The following METTL16 variants were observed in gnomAD, a reference collection of about 807,000 sequenced individuals.
METTL16 encodes methyltransferase 16, RNA N6-adenosine.
METTL16 carries 19 observed loss-of-function variants against 57.9 expected under a neutral mutation model. The observed-to-expected ratio is 0.33, with a 90% CI of 0.23 to 0.48. The LOEUF is 0.48. Among genes scored for constraint, METTL16 ranks in the 20% least tolerant of loss-of-function variants. METTL16 has a pLI of 0.99. For missense variants in METTL16, 434 were observed against 691.5 expected, an observed-to-expected ratio of 0.63 and a Z score of 4.18; for synonymous variants, 246 against 255.6, an observed-to-expected ratio of 0.96 and a Z score of 0.36.
At chr17:2,439,250 C>T (rs1250091277) in intron 7 of METTL16, among the ~76,000 whole-genome samples, 1 of 152,122 alleles carries the variant, frequency 6.6e-6, no homozygotes, top group African/African-American at 2.4e-5. Flanking sequence ...GTGGGGACTA[C>T]AAGCACGCGC....
intron 2 of METTL16, among the ~76,000 whole-genome samples, chr17:2,484,248 G>T (rs1171348576): frequency 1.3e-5 from 2 of 152,162 alleles, no homozygotes; most frequent in African/African-American, 4.8e-5. Context: ...ATAAGGAATA[G>T]CTATTGGTAC....
At chr17:2,497,925 T>G (rs2067458303) in intron 2 of METTL16, among the ~76,000 whole-genome samples, 1 of 151,786 alleles carries the variant, frequency 6.6e-6, no homozygotes, top group African/African-American at 2.4e-5. Context: ...CCCGGCGCGG[T>G]GGCTCACGCC....
Position 2,459,236 on chromosome 17 carries a change from C to G in METTL16, c.728+4972G>C, listed in dbSNP as rs538558314. Among the ~76,000 whole-genome samples, 17 of 152,350 alleles carry G rather than the reference C, an allele frequency of 1.1e-4. No individual in the cohort carries two copies. In the East Asian group the frequency reaches 2.3e-3, roughly 21 times the overall value. On this transcript the variant is annotated intron_variant, in intron 6 of 9. Transcript: ENST00000263092. Reference sequence around the variant, plus strand: ...AAAGGCTCTTCACAGAGTCCAACTGCAGCTTAGAGCTGCAGAGGCTGCAAG... The same window carrying G: ...AAAGGCTCTTCACAGAGTCCAACTGGAGCTTAGAGCTGCAGAGGCTGCAAG...
intron 2 of METTL16, among the ~76,000 whole-genome samples, chr17:2,496,806 TA>T (rs2067449310): frequency 6.6e-6 from 1 of 151,218 alleles, no homozygotes; most frequent in African/African-American, 2.5e-5. Context: ...TGCTGCTGTT[TA>T]AAAAAAAGCT....
chr17:2,468,922 T>C (rs1048170994), intron 4 of METTL16, among the ~76,000 whole-genome samples: 51 of 150,676 alleles, frequency 3.4e-4, no homozygotes, highest in African/African-American at 1.2e-3. Flanking sequence ...TTGTTGTGTG[T>C]GTGTGTTTTT....
intron 8 of METTL16, among the ~76,000 whole-genome samples, chr17:2,426,634 CAGG>C (rs2066820401): frequency 7.0e-6 from 1 of 141,950 alleles, no homozygotes; most frequent in Admixed American, 7.7e-5. Context: ...CAGGCTGAGG[CAGG>C]AGAATTGCTC....
chr17:2,482,307 T>C (rs918836295), intron 2 of METTL16, among the ~76,000 whole-genome samples: 4 of 152,188 alleles, frequency 2.6e-5, no homozygotes, highest in Non-Finnish European at 1.5e-5. Context: ...CTGCTATACA[T>C]CATTTCATTC....
At chr17:2,465,870 AC>A (rs1050960150) in intron 5 of METTL16, among the ~76,000 whole-genome samples, 1 of 146,532 alleles carries the variant, frequency 6.8e-6, no homozygotes, top group Non-Finnish European at 1.5e-5. Flanking sequence ...CATTCCCCAC[AC>A]CCCCCGACCT....
intron 6 of METTL16, among the ~76,000 whole-genome samples, chr17:2,447,193 C>G (rs566318061): frequency 7.0e-6 from 1 of 142,712 alleles, no homozygotes; most frequent in Admixed American, 6.7e-5. Flanking sequence ...TCTGCCCGGC[C>G]GCCCATCGTC....
intron 6 of METTL16, among the ~76,000 whole-genome samples, chr17:2,445,677 T>A (rs181582845): frequency 6.6e-6 from 1 of 151,310 alleles, no homozygotes; most frequent in African/African-American, 2.4e-5. Flanking sequence ...TCCTAGCTAC[T>A]CAGGAGGCTG....
At chr17:2,461,634 T>C (rs1312879210) in intron 6 of METTL16, among the ~76,000 whole-genome samples, 2 of 150,472 alleles carry the variant, frequency 1.3e-5, no homozygotes, top group East Asian at 3.9e-4. Context: ...TGGAGTGCAG[T>C]GGCACAATCT....
intron 2 of METTL16, among the ~76,000 whole-genome samples, chr17:2,488,006 A>G (rs542085577): frequency 3.3e-5 from 5 of 151,988 alleles, no homozygotes; most frequent in Non-Finnish European, 7.4e-5. Context: ...CCCAGTCTCA[A>G]ATAAAATAAA....
At chr17:2,507,031 G>A (rs1035545307) in intron 1 of METTL16, among the ~76,000 whole-genome samples, 1 of 149,056 alleles carries the variant, frequency 6.7e-6, no homozygotes, top group African/African-American at 2.4e-5. Context: ...TCTGGGAAGT[G>A]AGGATCGTCT....
At chr17:2,492,008 G>A (rs1242768313) in intron 2 of METTL16, among the ~76,000 whole-genome samples, 6 of 151,092 alleles carry the variant, frequency 4.0e-5, no homozygotes, top group South Asian at 2.1e-4. Flanking sequence ...TCAGGAGATC[G>A]AGACCATCCT....
intron 1 of METTL16, among the ~76,000 whole-genome samples, chr17:2,507,750 A>G (rs1189207054): frequency 6.6e-6 from 1 of 152,178 alleles, no homozygotes; most frequent in Non-Finnish European, 1.5e-5. Flanking sequence ...AAAGAGGTAG[A>G]CATGGGAGAC....
At position 2,419,895 on chromosome 17, in the gene METTL16, G is replaced by A. The variant is rs2066747468; in HGVS notation, c.*75C>T. On this transcript the variant is annotated 3_prime_UTR_variant, in exon 10 of 10. Transcript: ENST00000263092. The stretch of plus-strand genomic sequence containing the variant: ...TCGTGCTACTAATGGGCCGCTGGTA[G>A]GATTCCTCTTGCCACCCCACAGGCC... 6.5e-7 allele frequency: 1 copy of A among 1,544,916 alleles called. No homozygotes were observed. The highest frequency in any genetic ancestry group is 1.8e-5 in the Admixed American group (1 of 56,666).
chr17:2,508,412 C>T (rs75042354), intron 1 of METTL16, among the ~76,000 whole-genome samples: 12,696 of 152,112 alleles, frequency 0.083, 648 homozygotes, highest in East Asian at 0.25. Flanking sequence ...TCACTTCTAC[C>T]CACCCCAAAC....
intron 8 of METTL16, 70 bp downstream of exon 8, chr17:2,438,039 G>T (rs865856432): frequency 1.8e-6 from 2 of 1,119,974 alleles, no homozygotes; most frequent in Middle Eastern, 2.0e-4. Flanking sequence ...TACCAATTCA[G>T]TTCACTTATG....
At chr17:2,502,398 C>A in intron 1 of METTL16, 67 bp from the exon 2 acceptor site, 1 of 1,511,128 alleles carries the variant, frequency 6.6e-7, no homozygotes, top group South Asian at 1.2e-5. Flanking sequence ...GGGCCGGGTG[C>A]GGTGCCTCAT....
Sources: gnomAD v4.1 joint callset for allele counts (sites outside exome capture counted in the v4.1 genomes callset) on GRCh38, gnomAD v4.1.1 for gene constraint, MANE v1.5 for transcripts, NCBI Gene and HGNC (gene_info 2026-07-23, HGNC 2026-07-21) for gene names.